Variants in NBAS observed in about 807,000 individuals in gnomAD.
NBAS encodes NAG/BC035112 fusion.
Under a neutral mutation model 302.5 loss-of-function variants are expected in NBAS, and 219 were observed. That is an observed-to-expected ratio of 0.72 (90% CI 0.65 to 0.81). The LOEUF (loss-of-function observed/expected upper bound fraction) is 0.81, where lower values mean the gene tolerates loss of function less well. Ranked by LOEUF, NBAS falls within the 30% of genes least tolerant of loss-of-function variation. NBAS has a pLI of 0.00. For synonymous variants in NBAS, 1,118 were observed against 1,021.6 expected (o/e 1.09, Z -1.80); for missense variants, 2,932 against 2,841.6 (o/e 1.03, Z -0.72).
chr2:15,492,355 T>C (rs1572924698), intron 11 of NBAS, among the ~76,000 whole-genome samples: 1 of 152,220 alleles, frequency 6.6e-6, no homozygotes. Flanking sequence ...TAGTAGTAAT[T>C]GGATTGTAGC....
At chr2:15,128,971 C>A in the NBAS span, among the ~76,000 whole-genome samples, 1 of 152,184 alleles carries the variant, frequency 6.6e-6, no homozygotes, top group Non-Finnish European at 1.5e-5. Flanking sequence ...GGGAAAGGGT[C>A]CAGGAAATGT....
intron 50 of NBAS, among the ~76,000 whole-genome samples, chr2:15,182,721 A>G (rs981728301): frequency 6.6e-6 from 1 of 152,230 alleles, no homozygotes; most frequent in Admixed American, 6.5e-5. Flanking sequence ...ATATACTGCC[A>G]TGGATACAAG....
At chr2:15,028,408 G>A in the NBAS span, among the ~76,000 whole-genome samples, 1 of 152,172 alleles carries the variant, frequency 6.6e-6, no homozygotes, top group Non-Finnish European at 1.5e-5. Flanking sequence ...TTTAGAAAGT[G>A]CCCAATTCAT....
the NBAS span, among the ~76,000 whole-genome samples, chr2:15,033,755 TG>T: frequency 6.6e-6 from 1 of 152,030 alleles, no homozygotes; most frequent in Non-Finnish European, 1.5e-5. Flanking sequence ...AGGACCAGCC[TG>T]GGCAACATGG....
downstream of NBAS, among the ~76,000 whole-genome samples, chr2:15,163,308 G>A (rs761185937): frequency 1.3e-5 from 2 of 152,334 alleles, no homozygotes; most frequent in Non-Finnish European, 2.9e-5. Context: ...GAAGGGAGAA[G>A]GGGGTCATAT....
chr2:14,972,884 C>T, the NBAS span, among the ~76,000 whole-genome samples: 1 of 152,232 alleles, frequency 6.6e-6, no homozygotes, highest in African/African-American at 2.4e-5. Flanking sequence ...TTCAGAGTCA[C>T]CTAGTGTTTC....
the NBAS span, among the ~76,000 whole-genome samples, chr2:14,820,810 T>C: frequency 6.6e-6 from 1 of 152,146 alleles, no homozygotes; most frequent in South Asian, 2.1e-4. Flanking sequence ...TCAGCTCCCA[T>C]CAGGAGGGTC....
chr2:14,789,912 C>T, the NBAS span, among the ~76,000 whole-genome samples: 11 of 152,148 alleles, frequency 7.2e-5, no homozygotes, highest in East Asian at 9.6e-4. Context: ...GGACCTAATG[C>T]GGGAATTGTA....
chr2:15,432,990 T>C (rs1468270247), intron 21 of NBAS, among the ~76,000 whole-genome samples: 1 of 152,116 alleles, frequency 6.6e-6, no homozygotes, highest in Non-Finnish European at 1.5e-5. Context: ...GCTAGCAATG[T>C]GTAAAAGAGA....
intron 48 of NBAS, among the ~76,000 whole-genome samples, chr2:15,212,738 T>C (rs1013898915): frequency 3.9e-5 from 6 of 152,200 alleles, no homozygotes; most frequent in African/African-American, 1.2e-4. Flanking sequence ...GATGGTTTTA[T>C]AGGAAGCCTC....
In NBAS at chr2:15,308,017, CA is replaced by C. The variant is rs749163597; in HGVS notation, c.4797+198del. 3.9e-4 allele frequency among the ~76,000 whole-genome samples: 59 copies of C among 152,266 alleles called. No homozygotes were observed. The Middle Eastern group carries it at 0.01, about 26-fold the overall frequency. On this transcript the variant is annotated intron_variant, in intron 40 of 51. Transcript: ENST00000281513. ...AGTTAGAGGGAGGAAACAGTATTCA[CA>C]ATAAATATTAAACTCTACTTACTGA...
the NBAS span, among the ~76,000 whole-genome samples, chr2:15,022,170 G>T: frequency 6.6e-6 from 1 of 152,258 alleles, no homozygotes; most frequent in African/African-American, 2.4e-5. Flanking sequence ...TAAGGGTGAG[G>T]CAGCCCAACG....
the NBAS span, among the ~76,000 whole-genome samples, chr2:15,144,048 A>ATATATATATATATATATAT: frequency 5.3e-5 from 6 of 113,808 alleles, no homozygotes; most frequent in East Asian, 7.1e-4. Flanking sequence ...TATATATAAA[A>ATATATATATATATATATAT]ATATATATAT....
intron 9 of NBAS, among the ~76,000 whole-genome samples, chr2:15,513,421 A>C (rs1056354757): frequency 2.6e-5 from 4 of 152,214 alleles, no homozygotes; most frequent in African/African-American, 9.6e-5. Context: ...AAATGATTCT[A>C]TTACAGTAAA....
At chr2:15,270,049 T>C (rs1177197769) in intron 44 of NBAS, among the ~76,000 whole-genome samples, 1 of 152,192 alleles carries the variant, frequency 6.6e-6, no homozygotes, top group Admixed American at 6.5e-5. Flanking sequence ...GACATGAAAA[T>C]GTAACACAGT....
At chr2:15,339,883 A>G (rs1464284027) in intron 35 of NBAS, among the ~76,000 whole-genome samples, 1 of 151,980 alleles carries the variant, frequency 6.6e-6, no homozygotes, top group African/African-American at 2.4e-5. Context: ...AAGGATCCAG[A>G]GGCAACAGCT....
At chr2:15,181,541 G>A (rs1001026822) in intron 50 of NBAS, among the ~76,000 whole-genome samples, 1 of 152,170 alleles carries the variant, frequency 6.6e-6, no homozygotes, top group Non-Finnish European at 1.5e-5. Flanking sequence ...AAGAAAGGTC[G>A]AAGCAGCAGA....
At chr2:15,050,468 T>C in the NBAS span, among the ~76,000 whole-genome samples, 1 of 152,294 alleles carries the variant, frequency 6.6e-6, no homozygotes, top group East Asian at 1.9e-4. Flanking sequence ...TCAGGCAGCA[T>C]CCCACCATTA....
At chr2:15,550,859 T>TTACA (rs1664349875) in intron 6 of NBAS, among the ~76,000 whole-genome samples, 1 of 152,140 alleles carries the variant, frequency 6.6e-6, no homozygotes, top group Non-Finnish European at 1.5e-5. Flanking sequence ...AGTGCTGGGA[T>TTACA]TACAGGTGAG....
Sources: gnomAD v4.1 joint callset for allele counts (sites outside exome capture counted in the v4.1 genomes callset) on GRCh38, gnomAD v4.1.1 for gene constraint, MANE v1.5 for transcripts, NCBI Gene and HGNC (gene_info 2026-07-23, HGNC 2026-07-21) for gene names.